Variants in PIEZO2 observed in about 807,000 individuals in gnomAD.
The protein encoded by PIEZO2 is piezo type mechanosensitive ion channel component 2.
Under a neutral mutation model 337.3 loss-of-function variants are expected in PIEZO2, and 172 were observed. That is an observed-to-expected ratio of 0.51 (90% CI 0.45 to 0.58). The LOEUF (loss-of-function observed/expected upper bound fraction) is 0.58. Ranked by LOEUF, PIEZO2 falls within the 20% of genes least tolerant of loss-of-function variation. The pLI is 0.00. For missense variants in PIEZO2, 3,028 were observed against 3,391.3 expected (o/e 0.89, Z 2.66); for synonymous variants, 1,251 against 1,228.5 (o/e 1.02, Z -0.38).
Position 10,705,702 on chromosome 18 carries a change from G to A in PIEZO2, c.5633C>T (p.Thr1878Ile). 2 of 1,536,536 alleles carry A rather than the reference G, an allele frequency of 1.3e-6. No homozygotes were observed. The highest frequency in any genetic ancestry group is 1.7e-6 in the Non-Finnish European group (2 of 1,146,670). The stretch of plus-strand genomic sequence containing the variant: ...AGCCTCCACCTCCTCGATGGTCTCA[G>A]TGGTCCCCTGGCGTGAGTACAGCAT... The part of the protein sequence containing the change: ...CTMLYSRQGT[T>I]ETIEEVEAEQ... Residue 1878 changes from threonine (T) to isoleucine (I), a missense_variant, in exon 41 of 56, where the codon ACT becomes ATT. Around this residue, in one of 5 missense-constraint regions of PIEZO2, gnomAD observed 1,925 missense variants for 2,051.9 expected, o/e 0.94. Transcript: ENST00000674853.
intron 3 of PIEZO2, among the ~76,000 whole-genome samples, chr18:10,958,585 A>C (rs547997367): frequency 6.6e-6 from 1 of 152,356 alleles, no homozygotes; most frequent in African/African-American, 2.4e-5. Flanking sequence ...GGATATATTA[A>C]TTAGCTTGAT....
rs964582334 is a variant in PIEZO2 at position 10,821,627 on chromosome 18, T to C, written c.918-14353A>G. 6.6e-6 allele frequency among the ~76,000 whole-genome samples: 1 copy of C among 152,150 alleles called. No individual in the cohort carries two copies. The highest frequency in any genetic ancestry group is 1.5e-5 in the Non-Finnish European group (1 of 68,028). On this transcript the variant is annotated intron_variant, in intron 7 of 55. Transcript: ENST00000674853. The surrounding 1 kb of genome is among the most constrained non-coding windows in gnomAD (Gnocchi z 4.2). ...CCTCATTTCAGATACAACCTAGAAG[T>C]TTTCCAGGTTGCTGGAACCAGGAAA...
intron 5 of PIEZO2, among the ~76,000 whole-genome samples, chr18:10,860,227 G>T (rs879894784): frequency 3.3e-5 from 5 of 152,256 alleles, no homozygotes; most frequent in Non-Finnish European, 7.4e-5. Flanking sequence ...GCCTGTTGAG[G>T]TTACCTGGAG....
intron 2 of PIEZO2, among the ~76,000 whole-genome samples, chr18:10,990,712 TACAC>T (rs908826536): frequency 1.3e-5 from 2 of 150,506 alleles, no homozygotes; most frequent in Non-Finnish European, 1.5e-5. Context: ...TATATACGTG[TACAC>T]ACACACACAC....
rs375966918 is a variant in PIEZO2 at position 10,784,827 on chromosome 18, C to T, written c.2449G>A (p.Asp817Asn). Residue 817 changes from aspartate (D) to asparagine (N), a missense_variant, in exon 17 of 56, where the codon GAC becomes AAC. Asp to Asn is a conservative substitution (Grantham distance 23). This residue lies in a region of PIEZO2 where 1,925 missense variants were observed against 2,051.9 expected (regional missense o/e 0.94). Transcript: ENST00000674853. This position sits in a 1 kb window ranked among gnomAD's most constrained non-coding sequence, Gnocchi z 4.5. ...TCTTTGCTGGGAATGGACTTGAGGT[C>T]TGTGAGTTCAAGGAACCGGTCATGG... Reference protein sequence around the residue: ...YFHDRFLELTDLKSIPSKEDN... With the variant: ...YFHDRFLELTNLKSIPSKEDN... 6 of 1,537,476 alleles carry T rather than the reference C, an allele frequency of 3.9e-6. No individual in the cohort carries two copies. In the African/African-American group the frequency reaches 8.2e-5, roughly 21 times the overall value.
Position 10,854,628 on chromosome 18 carries a change from A to G in PIEZO2, c.917+725T>C, listed in dbSNP as rs1222498829. Among the ~76,000 whole-genome samples, 1 of 152,250 alleles carries G rather than the reference A, an allele frequency of 6.6e-6. No homozygotes were observed. Among genetic ancestry groups the G allele is most frequent in the Non-Finnish European group, 1.5e-5 (1 of 68,042 alleles). On this transcript the variant is annotated intron_variant, in intron 7 of 55. Transcript: ENST00000674853. The surrounding 1 kb of genome is among the most constrained non-coding windows in gnomAD (Gnocchi z 4.6). ...TTTCATAGTAAGGATTTGGTGTAATAGTCATCTCCAATCGAAGCAAAGTAT... is the reference window on the plus strand; with the variant it reads ...TTTCATAGTAAGGATTTGGTGTAATGGTCATCTCCAATCGAAGCAAAGTAT...
intron 2 of PIEZO2, among the ~76,000 whole-genome samples, chr18:11,064,823 C>T (rs550604637): frequency 2.6e-5 from 4 of 152,148 alleles, no homozygotes; most frequent in African/African-American, 7.2e-5. Flanking sequence ...TGTGAATGCA[C>T]GCACAACCTT....
Position 10,813,373 on chromosome 18 carries a change from T to TA in PIEZO2, c.918-6100dup, listed in dbSNP as rs1047355676. ...CCAGAACTTTTTCATCTTGCAAAAC[T>TA]AAAATTCTGTACACATTAAATAAAA... is the stretch of plus-strand genomic sequence containing the variant. On this transcript the variant is annotated intron_variant, in intron 7 of 55. Transcript: ENST00000674853. The surrounding 1 kb of genome is among the most constrained non-coding windows in gnomAD (Gnocchi z 4.2). 6.6e-6 allele frequency among the ~76,000 whole-genome samples: 1 copy of TA among 152,194 alleles called. No homozygotes were observed. Among genetic ancestry groups the TA allele is most frequent in the Non-Finnish European group, 1.5e-5 (1 of 68,030 alleles).
At position 11,110,526 on chromosome 18, in the gene PIEZO2, C is replaced by T. The variant is rs1360501131; in HGVS notation, c.64+37999G>A. Among the ~76,000 whole-genome samples, 1 of 152,194 alleles carries T rather than the reference C, an allele frequency of 6.6e-6. No homozygotes were observed. Among genetic ancestry groups the T allele is most frequent in the Non-Finnish European group, 1.5e-5 (1 of 68,038 alleles). On this transcript the variant is annotated intron_variant, in intron 1 of 55. Transcript: ENST00000674853. This position sits in a 1 kb window ranked among gnomAD's most constrained non-coding sequence, Gnocchi z 4.2. ...CCTGAGGTAAGTGTCTGGGCCTTTC[C>T]TCAAACAACAAAGACACAGCAGAGC... is the stretch of plus-strand genomic sequence containing the variant.
chr18:10,809,260 C>CTCTCTTTTTTT (rs1173120936), intron 7 of PIEZO2, among the ~76,000 whole-genome samples: 2 of 65,804 alleles, frequency 3.0e-5, no homozygotes, highest in African/African-American at 1.2e-4. Flanking sequence ...CTCTCTCTCT[C>CTCTCTTTTTTT]TTTTTTTTTT....
intron 1 of PIEZO2, among the ~76,000 whole-genome samples, chr18:11,106,113 C>T (rs1319100724): frequency 6.6e-6 from 1 of 152,090 alleles, no homozygotes; most frequent in South Asian, 2.1e-4. Flanking sequence ...TTTGAGACGG[C>T]ATCTGGCTCT....
In PIEZO2 at chr18:10,877,462, C is replaced by T. The variant is rs1351864784; in HGVS notation, c.330-6047G>A. ...TACTGGATATCTGTACTTCAGTATCCCATAGATTTTCCATTCAGTGTTATT... is the reference window on the plus strand; with the variant it reads ...TACTGGATATCTGTACTTCAGTATCTCATAGATTTTCCATTCAGTGTTATT... On this transcript the variant is annotated intron_variant, in intron 4 of 55. Coordinates refer to ENST00000674853, the MANE Select transcript of PIEZO2 (RefSeq NM_001378183.1). This position sits in a 1 kb window ranked among gnomAD's most constrained non-coding sequence, Gnocchi z 5.3. Among the ~76,000 whole-genome samples the T allele has an allele frequency of 1.3e-5, 2 of 152,184 alleles. No homozygotes were observed. The highest frequency in any genetic ancestry group is 2.4e-5 in the African/African-American group (1 of 41,434).
In PIEZO2 at chr18:10,707,682, A is replaced by T. The variant is rs3748419; in HGVS notation, c.5588+593T>A. 0.3 allele frequency among the ~76,000 whole-genome samples: 45,920 copies of T among 151,982 alleles called. 7,142 individuals are homozygous for T. Among genetic ancestry groups the T allele is most frequent in the East Asian group, 0.4 (2,065 of 5,170 alleles). ...TTTGGGAGAACTTAAGCCACAGTAT[A>T]TTTTCCCCAAAATAAAAGTTATAGG... On this transcript the variant is annotated intron_variant, in intron 40 of 55. Coordinates refer to ENST00000674853, the MANE Select transcript of PIEZO2 (RefSeq NM_001378183.1). This position sits in a 1 kb window ranked among gnomAD's most constrained non-coding sequence, Gnocchi z 4.2.
intron 3 of PIEZO2, among the ~76,000 whole-genome samples, chr18:10,933,417 A>G (rs1260359052): frequency 1.3e-5 from 2 of 151,934 alleles, no homozygotes; most frequent in African/African-American, 4.8e-5. Context: ...TTATTTTGCA[A>G]TATGTTTCTT....
Position 10,789,180 on chromosome 18 carries a change from C to A in PIEZO2, c.2068G>T (p.Val690Phe), listed in dbSNP as rs867773982. The change falls in exon 15 of 56, where the codon GTC becomes TTC. Residue 690 changes from valine (V) to phenylalanine (F), a missense_variant. This residue lies in a region of PIEZO2 where 1,925 missense variants were observed against 2,051.9 expected (regional missense o/e 0.94). Transcript: ENST00000674853. ...VAMFIKYWIY[V>F]CGGMFFFVSF... ...ACGAAGAAGAACATGCCTCCGCAGA[C>A]GTAGATCCAGTACTTGATGAACATG... The A allele has an allele frequency of 3.9e-6, 6 of 1,537,156 alleles. No homozygotes were observed. In the East Asian group the frequency reaches 1.5e-4, roughly 38 times the overall value.
At chr18:11,043,655 C>G (rs187800502) in intron 2 of PIEZO2, among the ~76,000 whole-genome samples, 147 of 152,022 alleles carry the variant, frequency 9.7e-4, no homozygotes, top group African/African-American at 3.5e-3. Flanking sequence ...TCCATATTAT[C>G]CCTAAACACA....
intron 2 of PIEZO2, among the ~76,000 whole-genome samples, chr18:11,034,088 C>T (rs1419537112): frequency 6.6e-6 from 1 of 152,054 alleles, no homozygotes; most frequent in East Asian, 1.9e-4. Context: ...TGTGCGAATT[C>T]CCAAGGGACG....
chr18:11,054,974 G>A (rs989422659), intron 2 of PIEZO2, among the ~76,000 whole-genome samples: 7 of 152,150 alleles, frequency 4.6e-5, no homozygotes, highest in Non-Finnish European at 1.0e-4. Context: ...CACTTTGGGA[G>A]GCCGAGGAGG....
At chr18:11,024,770 C>T (rs1402682366) in intron 2 of PIEZO2, among the ~76,000 whole-genome samples, 1 of 151,574 alleles carries the variant, frequency 6.6e-6, no homozygotes, top group Non-Finnish European at 1.5e-5. Context: ...TCCTGAGTAG[C>T]TGGGATTATA....
Sources: gnomAD v4.1 joint callset for allele counts (sites outside exome capture counted in the v4.1 genomes callset) on GRCh38, gnomAD v4.1.1 for gene constraint, gnomAD v4.1.1 regional missense constraint, Gnocchi (gnomAD v3.1) non-coding constraint, MANE v1.5 for transcripts, NCBI Gene and HGNC (gene_info 2026-07-23, HGNC 2026-07-21) for gene names.